The following KIAA2012 variants were observed in gnomAD, a reference collection of about 807,000 sequenced individuals.
KIAA2012 encodes uncharacterized protein KIAA2012.
Under a neutral mutation model 150.6 loss-of-function variants are expected in KIAA2012, and 125 were observed. The ratio of observed to expected loss-of-function variants is 0.83; its 90% CI spans 0.72 to 0.96. The LOEUF is 0.96. KIAA2012 is among the 40% of genes least tolerant of loss of function. KIAA2012 has a pLI of 0.00. For synonymous variants in KIAA2012, 462 were observed against 504.7 expected, an observed-to-expected ratio of 0.92 and a Z score of 1.13; for missense variants, 1,219 against 1,354.9, an observed-to-expected ratio of 0.90 and a Z score of 1.57.
At chr2:202,111,536 A>T (rs967786545) in intron 10 of KIAA2012, among the ~76,000 whole-genome samples, 2 of 139,642 alleles carry the variant, frequency 1.4e-5, no homozygotes, top group Non-Finnish European at 3.1e-5. Context: ...AAAAAAAAAA[A>T]GGATAGAATG....
intron 11 of KIAA2012, among the ~76,000 whole-genome samples, chr2:202,122,658 C>T (rs536303957): frequency 1.4e-3 from 211 of 152,172 alleles, no homozygotes; most frequent in African/African-American, 4.4e-3. Context: ...TGCACCACCA[C>T]GCCTGGCTAA....
intron 15 of KIAA2012, among the ~76,000 whole-genome samples, chr2:202,171,717 G>T (rs1691896619): frequency 6.6e-6 from 1 of 152,184 alleles, no homozygotes; most frequent in South Asian, 2.1e-4. Flanking sequence ...TAGTCCCTGG[G>T]GAGAAGGCAG....
intron 2 of KIAA2012, among the ~76,000 whole-genome samples, chr2:202,078,633 A>T (rs1303597982): frequency 1.3e-5 from 2 of 152,154 alleles, no homozygotes; most frequent in Non-Finnish European, 2.9e-5. Flanking sequence ...GTATTCATAT[A>T]ATAAAAATAC....
chr2:202,122,234 C>T (rs1690669435), intron 11 of KIAA2012, among the ~76,000 whole-genome samples: 1 of 152,182 alleles, frequency 6.6e-6, no homozygotes, highest in Non-Finnish European at 1.5e-5. Context: ...CAACCCAACA[C>T]GTGAGCTAGC....
intron 22 of KIAA2012, among the ~76,000 whole-genome samples, chr2:202,199,920 A>ATTTTTTTT (rs71025287): frequency 1.2e-4 from 9 of 76,292 alleles, no homozygotes; most frequent in African/African-American, 2.7e-4. Context: ...GCCCCTCATA[A>ATTTTTTTT]TTTTTTTTTT....
chr2:202,173,985 GAC>G (rs1164554000), intron 15 of KIAA2012, among the ~76,000 whole-genome samples: 3 of 151,740 alleles, frequency 2.0e-5, no homozygotes, highest in Admixed American at 1.3e-4. Context: ...TCTTTTTTGA[GAC>G]ACAGTTTTGC....
At position 202,165,271 on chromosome 2, in the gene KIAA2012, G is replaced by GTT. The variant is rs1559225861; in HGVS notation, c.2047-12_2047-11dup. ...ATGTCTAATGTATTCTTTGTTGTGT[G>GTT]TTAACCCAATAGGAAAGTGGAAATG... On this transcript the variant is annotated splice_polypyrimidine_tract_variant and intron_variant, in intron 14 of 23. Coordinates refer to ENST00000498697, the MANE Select transcript of KIAA2012 (RefSeq NM_001277372.4). 1 of 1,549,428 alleles carries GTT rather than the reference G, an allele frequency of 6.5e-7. No individual in the cohort carries two copies.
chr2:202,124,471 C>G (rs1487917821), intron 11 of KIAA2012, among the ~76,000 whole-genome samples: 1 of 152,178 alleles, frequency 6.6e-6, no homozygotes, highest in Non-Finnish European at 1.5e-5. Flanking sequence ...TCCTGGCTCC[C>G]CTGGTCCAAC....
At chr2:202,132,548 TC>T (rs1408438209) in intron 12 of KIAA2012, among the ~76,000 whole-genome samples, 2 of 151,154 alleles carry the variant, frequency 1.3e-5, no homozygotes, top group East Asian at 3.9e-4. Flanking sequence ...ACACCTGTAA[TC>T]CCAGCTACGC....
intron 2 of KIAA2012, among the ~76,000 whole-genome samples, chr2:202,075,567 C>T (rs1190010006): frequency 6.6e-6 from 1 of 152,190 alleles, no homozygotes; most frequent in Non-Finnish European, 1.5e-5. Flanking sequence ...GTTCTTGGCT[C>T]TGTGGAAATG....
intron 10 of KIAA2012, 113 bp from the exon 11 acceptor site, chr2:202,113,223 T>C (rs2105929482): frequency 2.8e-6 from 2 of 710,232 alleles, no homozygotes; most frequent in Non-Finnish European, 4.8e-6. Context: ...CCCAAGCACA[T>C]AGGCATCTAC....
At chr2:202,083,534 G>C (rs1392150586) in intron 2 of KIAA2012, among the ~76,000 whole-genome samples, 2 of 152,262 alleles carry the variant, frequency 1.3e-5, no homozygotes, top group Non-Finnish European at 2.9e-5. Context: ...CTGAGGGCTA[G>C]GAGATGCCAG....
intron 11 of KIAA2012, among the ~76,000 whole-genome samples, chr2:202,123,000 G>GA (rs1690691406): frequency 6.6e-6 from 1 of 152,206 alleles, no homozygotes; most frequent in South Asian, 2.1e-4. Flanking sequence ...CCAGCACACA[G>GA]AAAAAAATAG....
Position 202,075,099 on chromosome 2 carries a change from C to A in KIAA2012, c.293C>A (p.Pro98His). Residue 98 changes from proline (P) to histidine (H), a missense_variant, in exon 2 of 24, where the codon CCC (proline) becomes CAC (histidine). Transcript: ENST00000498697. ...AAAGGCCCCTACTGCCCCAGAGGTC[C>A]CTGGAGGAAGCTGGATCTTGAACTG... ...RRKGPYCPRG[P>H]WRKLDLELHT... 1 of 1,550,470 alleles carries A rather than the reference C, an allele frequency of 6.4e-7. No individual in the cohort carries two copies. Among genetic ancestry groups the A allele is most frequent in the Non-Finnish European group, 8.7e-7 (1 of 1,146,992 alleles).
intron 4 of KIAA2012, among the ~76,000 whole-genome samples, chr2:202,096,043 C>CT (rs1387184426): frequency 1.2e-4 from 19 of 152,106 alleles, no homozygotes; most frequent in Non-Finnish European, 1.5e-4. Flanking sequence ...AAGATCATGC[C>CT]ACTGCACTCC....
At chr2:202,202,331 G>T in intron 22 of KIAA2012, 98 bp from the exon 23 acceptor site, 1 of 400,710 alleles carries the variant, frequency 2.5e-6, no homozygotes, top group South Asian at 1.4e-4. Context: ...AAGTCTAACT[G>T]ATAATTATTC....
chr2:202,128,319 G>A (rs1225096102), intron 12 of KIAA2012, among the ~76,000 whole-genome samples: 2 of 152,082 alleles, frequency 1.3e-5, no homozygotes. Flanking sequence ...AGACTGGAGT[G>A]CAGTGGCTGG....
chr2:202,103,942 T>C (rs1378692864), intron 8 of KIAA2012, among the ~76,000 whole-genome samples: 1 of 152,218 alleles, frequency 6.6e-6, no homozygotes. Context: ...GCAAAAAGTG[T>C]CCTAGTTTTG....
intron 14 of KIAA2012, among the ~76,000 whole-genome samples, chr2:202,156,168 G>A (rs1009558614): frequency 1.3e-5 from 2 of 151,912 alleles, no homozygotes; most frequent in African/African-American, 4.8e-5. Context: ...AATAGCCACT[G>A]CAACCCAGCC....
Sources: allele counts gnomAD v4.1 joint callset (sites outside exome capture counted in the v4.1 genomes callset), GRCh38; gene constraint gnomAD v4.1.1; transcripts MANE v1.5; gene names NCBI Gene and HGNC (gene_info 2026-07-23, HGNC 2026-07-21).